MAP4K3: variants seen among roughly 807,000 people sequenced by gnomAD.
MAP4K3 encodes the protein mitogen-activated protein kinase kinase kinase kinase 3.
MAP4K3 carries 94 observed loss-of-function variants against 143.5 expected under a neutral mutation model. The observed-to-expected ratio is 0.65, with a 90% CI of 0.55 to 0.78. The LOEUF is 0.78. Among genes scored for constraint, MAP4K3 ranks in the 30% least tolerant of loss-of-function variants. The pLI is 0.00. For missense variants in MAP4K3, 1,077 were observed against 1,068.1 expected, an observed-to-expected ratio of 1.01 and a Z score of -0.12; for synonymous variants, 416 against 347.2, an observed-to-expected ratio of 1.20 and a Z score of -2.20.
chr2:39,250,665 CTG>C lies in MAP4K3; in HGVS notation c.2636_2637del (p.Thr879SerfsTer3). The part of the protein sequence containing the change: ...VLESRPTDNP[T>X]ANSNLYILAG... ...GCCAGGATGTACAAATTGCTATTTG[CTG>C]TGGGGTTATCAGTTGGCCTACTTTC... On this transcript the variant is annotated frameshift_variant, in exon 34 of 34. Coordinates refer to ENST00000263881, the MANE Select transcript of MAP4K3 (RefSeq NM_003618.4). LOFTEE classifies it high-confidence loss of function. 1 of 1,614,016 alleles carries C rather than the reference CTG, an allele frequency of 6.2e-7. No individual in the cohort carries two copies. The highest frequency in any genetic ancestry group is 8.5e-7 in the Non-Finnish European group (1 of 1,179,928).
intron 24 of MAP4K3, among the ~76,000 whole-genome samples, chr2:39,275,772 C>G (rs1681223797): frequency 6.6e-6 from 1 of 152,128 alleles, no homozygotes; most frequent in Admixed American, 6.6e-5. Flanking sequence ...TAGGATCTTG[C>G]TAGAAAATTT....
intron 3 of MAP4K3, among the ~76,000 whole-genome samples, chr2:39,354,698 C>T (rs1319060810): frequency 6.6e-6 from 1 of 151,754 alleles, no homozygotes; most frequent in Non-Finnish European, 1.5e-5. Context: ...AAAACTCCCA[C>T]ACCTCTACCT....
At chr2:39,269,984 A>G (rs1314828925) in intron 26 of MAP4K3, among the ~76,000 whole-genome samples, 1 of 152,216 alleles carries the variant, frequency 6.6e-6, no homozygotes, top group Non-Finnish European at 1.5e-5. Flanking sequence ...GCTTTGAACC[A>G]AAGCGCTTTT....
At chr2:39,399,503 G>A (rs532944321) in intron 1 of MAP4K3, among the ~76,000 whole-genome samples, 14 of 152,282 alleles carry the variant, frequency 9.2e-5, no homozygotes, top group Non-Finnish European at 1.9e-4. Context: ...CATCTTTGAG[G>A]TGACCTGGAG....
chr2:39,331,885 A>T, intron 8 of MAP4K3, 32 bp downstream of exon 8: 1 of 1,367,520 alleles, frequency 7.3e-7, no homozygotes, highest in Non-Finnish European at 1.0e-6. Context: ...ATGATAGAAC[A>T]AAGTATTAAA....
intron 1 of MAP4K3, among the ~76,000 whole-genome samples, chr2:39,423,588 A>T (rs1020348458): frequency 1.2e-4 from 18 of 152,358 alleles, no homozygotes; most frequent in African/African-American, 3.1e-4. Context: ...AGTAATTTTT[A>T]AAAAATGAGG....
intron 2 of MAP4K3, among the ~76,000 whole-genome samples, chr2:39,374,190 T>C (rs1291312896): frequency 6.6e-6 from 1 of 152,122 alleles, no homozygotes; most frequent in Admixed American, 6.5e-5. Context: ...GAGGCCATCA[T>C]GGCCAACAGG....
chr2:39,268,968 C>T (rs1680895873), intron 26 of MAP4K3, among the ~76,000 whole-genome samples: 1 of 151,960 alleles, frequency 6.6e-6, no homozygotes, highest in African/African-American at 2.4e-5. Flanking sequence ...ACCATGTTGC[C>T]CAGGCTGGTC....
At chr2:39,257,744 A>G (rs998146228) in intron 31 of MAP4K3, among the ~76,000 whole-genome samples, 1 of 147,526 alleles carries the variant, frequency 6.8e-6, no homozygotes, top group Admixed American at 6.8e-5. Flanking sequence ...GGTTGCAGTG[A>G]GCTGAGACTG....
chr2:39,281,922 G>A (rs1681548751), intron 22 of MAP4K3, among the ~76,000 whole-genome samples: 3 of 151,938 alleles, frequency 2.0e-5, no homozygotes, highest in Admixed American at 2.0e-4. Flanking sequence ...GGCAAGGCGT[G>A]GTGGCTCACA....
At position 39,251,888 on chromosome 2, in the gene MAP4K3, G is replaced by A. The variant is rs1182327358; in HGVS notation, c.2542-3C>T. On this transcript the variant is annotated splice_polypyrimidine_tract_variant and splice_region_variant and intron_variant, in intron 32 of 33. Transcript: ENST00000263881. ...CTATCTGAAATTTCTTGTGTTACCT[G>A]TTCAATTAAAACACAAATTTAATTT... 3 of 1,609,812 alleles carry A rather than the reference G, an allele frequency of 1.9e-6. No homozygotes were observed. Among genetic ancestry groups the A allele is most frequent in the Non-Finnish European group, 1.7e-6 (2 of 1,176,936 alleles).
At chr2:39,259,620 T>C (rs1680484912) in intron 29 of MAP4K3, among the ~76,000 whole-genome samples, 1 of 152,244 alleles carries the variant, frequency 6.6e-6, no homozygotes, top group African/African-American at 2.4e-5. Context: ...TATGTTAATA[T>C]ACATTTCGTA....
At chr2:39,265,036 T>C (rs1385466920) in intron 28 of MAP4K3, among the ~76,000 whole-genome samples, 167 bp downstream of exon 28, 4 of 152,230 alleles carry the variant, frequency 2.6e-5, no homozygotes, top group African/African-American at 9.6e-5. Context: ...AAACTTTTAC[T>C]AGGCCAATTA....
intron 1 of MAP4K3, among the ~76,000 whole-genome samples, chr2:39,404,595 C>G (rs1290692517): frequency 2.5e-5 from 3 of 121,960 alleles, no homozygotes; most frequent in Non-Finnish European, 3.6e-5. Flanking sequence ...TCTGAGGTTT[C>G]TTTTTTTTTT....
intron 1 of MAP4K3, among the ~76,000 whole-genome samples, chr2:39,419,695 C>CAGCACT (rs1425328398): frequency 6.6e-6 from 1 of 152,164 alleles, no homozygotes; most frequent in East Asian, 1.9e-4. Context: ...ATTAACATCA[C>CAGCACT]AGCACTAACC....
chr2:39,374,618 G>T (rs1473485351), intron 2 of MAP4K3, among the ~76,000 whole-genome samples: 6 of 151,934 alleles, frequency 3.9e-5, no homozygotes, highest in African/African-American at 1.5e-4. Flanking sequence ...GGAGGCAGAG[G>T]TTGCAGTAAG....
At chr2:39,309,227 G>A (rs928349657) in intron 14 of MAP4K3, among the ~76,000 whole-genome samples, 14 of 152,080 alleles carry the variant, frequency 9.2e-5, no homozygotes, top group African/African-American at 3.4e-4. Context: ...GGGCTCAAGG[G>A]ATCCTCCTGC....
chr2:39,360,929 A>G (rs144673838), intron 2 of MAP4K3, among the ~76,000 whole-genome samples: 297 of 152,336 alleles, frequency 1.9e-3, no homozygotes, highest in African/African-American at 6.7e-3. Context: ...CAGCTAAACT[A>G]TATCAACAAT....
At chr2:39,254,588 C>T in intron 31 of MAP4K3, 68 bp from the exon 32 acceptor site, 2 of 1,120,536 alleles carry the variant, frequency 1.8e-6, no homozygotes. Flanking sequence ...ATCATTTCAT[C>T]CCTCTATCTC....
Sources: allele counts gnomAD v4.1 joint callset (sites outside exome capture counted in the v4.1 genomes callset), GRCh38; gene constraint gnomAD v4.1.1; transcripts MANE v1.5; gene names NCBI Gene and HGNC (gene_info 2026-07-23, HGNC 2026-07-21).